Variants in CDK19 observed in about 807,000 individuals in gnomAD.
The protein encoded by CDK19 is cyclin-dependent kinase 19.
In CDK19, 20 loss-of-function variants were observed where a neutral mutation model predicts 68.3. The ratio of observed to expected loss-of-function variants is 0.29; its 90% CI spans 0.21 to 0.43. The LOEUF (loss-of-function observed/expected upper bound fraction) is 0.43. Ranked by LOEUF, CDK19 falls within the 20% of genes least tolerant of loss-of-function variation. The probability of loss-of-function intolerance (pLI) is 1.00; values close to 1 mark genes in which losing one functional copy is unlikely to be tolerated. For synonymous variants in CDK19, 221 were observed against 222.8 expected, an observed-to-expected ratio of 0.99 and a Z score of 0.07; for missense variants, 339 against 623.5, an observed-to-expected ratio of 0.54 and a Z score of 4.86.
At chr6:110,645,196 T>C (rs190661166) in intron 4 of CDK19, among the ~76,000 whole-genome samples, 32 of 152,282 alleles carry the variant, frequency 2.1e-4, no homozygotes, top group Admixed American at 2.0e-3. Flanking sequence ...CAAATACTGA[T>C]CATATACTAG....
intron 1 of CDK19, among the ~76,000 whole-genome samples, chr6:110,779,494 A>G (rs1292893025): frequency 6.6e-6 from 1 of 152,216 alleles, no homozygotes; most frequent in African/African-American, 2.4e-5. Context: ...TCTTGAGGAT[A>G]GGAAACGATT....
chr6:110,761,366 G>C (rs532498497), intron 1 of CDK19, among the ~76,000 whole-genome samples: 1 of 152,244 alleles, frequency 6.6e-6, no homozygotes, highest in South Asian at 2.1e-4. Context: ...TAGTAGCAGA[G>C]GCAATAAAAA....
intron 2 of CDK19, among the ~76,000 whole-genome samples, chr6:110,739,066 C>A (rs1231843924): frequency 6.6e-6 from 1 of 152,220 alleles, no homozygotes; most frequent in African/African-American, 2.4e-5. Flanking sequence ...CCAAGCCAGA[C>A]TGCTGCTGCC....
intron 1 of CDK19, among the ~76,000 whole-genome samples, chr6:110,805,158 T>C (rs1782596970): frequency 1.3e-5 from 2 of 152,186 alleles, no homozygotes; most frequent in African/African-American, 4.8e-5. Flanking sequence ...TTACAGGAAG[T>C]GTTGGACTAA....
chr6:110,780,755 T>C (rs1780751642), intron 1 of CDK19, among the ~76,000 whole-genome samples: 1 of 152,120 alleles, frequency 6.6e-6, no homozygotes, highest in Admixed American at 6.5e-5. Context: ...GAAAGAAGAA[T>C]GTTCCAAGGT....
At chr6:110,655,133 TGAGGTGGGTG>T (rs1362314444) in intron 4 of CDK19, among the ~76,000 whole-genome samples, 1 of 151,826 alleles carries the variant, frequency 6.6e-6, no homozygotes, top group African/African-American at 2.4e-5. Context: ...TTTGGGAGCC[TGAGGTGGGTG>T]GATCACGAGG....
intron 4 of CDK19, among the ~76,000 whole-genome samples, chr6:110,662,457 A>C (rs555359680): frequency 6.6e-6 from 1 of 152,290 alleles, no homozygotes; most frequent in South Asian, 2.1e-4. Flanking sequence ...GAAATGAAGG[A>C]GTCATAAATC....
At chr6:110,737,758 T>C (rs958894179) in intron 2 of CDK19, among the ~76,000 whole-genome samples, 2 of 152,202 alleles carry the variant, frequency 1.3e-5, no homozygotes, top group Non-Finnish European at 2.9e-5. Context: ...AGAAAGTCTT[T>C]ATTTTGCCAA....
intron 1 of CDK19, among the ~76,000 whole-genome samples, chr6:110,777,421 C>A (rs893601035): frequency 6.6e-6 from 1 of 151,856 alleles, no homozygotes; most frequent in East Asian, 1.9e-4. Flanking sequence ...CAATAAGATA[C>A]GACCTCATAC....
chr6:110,635,830 C>T (rs1008274115), intron 5 of CDK19, among the ~76,000 whole-genome samples: 13 of 152,214 alleles, frequency 8.5e-5, no homozygotes, highest in African/African-American at 1.2e-4. Flanking sequence ...AGCCACTGTG[C>T]CCAGCCCAAC....
chr6:110,758,188 C>T (rs1288985813), intron 1 of CDK19, among the ~76,000 whole-genome samples: 1 of 151,990 alleles, frequency 6.6e-6, no homozygotes, highest in South Asian at 2.1e-4. Flanking sequence ...AAGACCCTGT[C>T]CCCCACCTCC....
chr6:110,745,538 G>A (rs1778018351), intron 2 of CDK19, among the ~76,000 whole-genome samples: 1 of 151,958 alleles, frequency 6.6e-6, no homozygotes, highest in Non-Finnish European at 1.5e-5. Context: ...CAGAAAAATA[G>A]ACATTAATTA....
At chr6:110,716,624 T>C (rs922726518) in intron 2 of CDK19, among the ~76,000 whole-genome samples, 1 of 152,144 alleles carries the variant, frequency 6.6e-6, no homozygotes, top group Non-Finnish European at 1.5e-5. Context: ...ATGCCTAGAA[T>C]AGTCCCAGGC....
intron 12 of CDK19, among the ~76,000 whole-genome samples, chr6:110,620,465 A>AT (rs943007961): frequency 9.2e-5 from 14 of 151,390 alleles, no homozygotes; most frequent in African/African-American, 2.2e-4. Flanking sequence ...TTGAAAAAAA[A>AT]TTTTTTTTTC....
chr6:110,620,785 T>C (rs1778660948), intron 12 of CDK19, among the ~76,000 whole-genome samples: 1 of 152,180 alleles, frequency 6.6e-6, no homozygotes, highest in African/African-American at 2.4e-5. Context: ...CCTTTTCAAC[T>C]GCGTATCTAC....
At chr6:110,742,082 GACA>G (rs762210882) in intron 2 of CDK19, among the ~76,000 whole-genome samples, 1 of 152,254 alleles carries the variant, frequency 6.6e-6, no homozygotes, top group Non-Finnish European at 1.5e-5. Context: ...TGATGTAAAG[GACA>G]AATACATAAA....
intron 2 of CDK19, among the ~76,000 whole-genome samples, chr6:110,744,011 G>T (rs199715124): frequency 6.9e-4 from 78 of 113,324 alleles, no homozygotes; most frequent in East Asian, 2.0e-3. Flanking sequence ...ACCTCCCCAC[G>T]TTTTTTTTTT....
At chr6:110,775,796 C>G (rs973239359) in intron 1 of CDK19, among the ~76,000 whole-genome samples, 1 of 152,104 alleles carries the variant, frequency 6.6e-6, no homozygotes, top group African/African-American at 2.4e-5. Flanking sequence ...TTAAAAGTAT[C>G]ATCAAATAAT....
chr6:110,814,476 C>G, intron 1 of CDK19: 1 of 383,618 alleles, frequency 2.6e-6, no homozygotes, highest in South Asian at 1.9e-5. Flanking sequence ...GAGATCGCTG[C>G]TGGGGGCGGC....
Sources: gnomAD v4.1 joint callset for allele counts (sites outside exome capture counted in the v4.1 genomes callset) on GRCh38, gnomAD v4.1.1 for gene constraint, MANE v1.5 for transcripts, NCBI Gene and HGNC (gene_info 2026-07-23, HGNC 2026-07-21) for gene names.